METTL15: variants seen among roughly 807,000 people sequenced by gnomAD.
METTL15 encodes methyltransferase 15, mitochondrial 12S rRNA N4-cytidine, also known as 12S rRNA N(4)-cytidine methyltransferase METTL15.
A neutral mutation model predicts 38.3 loss-of-function variants in METTL15; 34 were observed. That is an observed-to-expected ratio of 0.89 (90% confidence interval 0.68 to 1.18). The LOEUF is 1.18. Ranked by LOEUF, METTL15 falls within the 50% of genes most tolerant of loss-of-function variation. The pLI is 0.00. For missense variants in METTL15, 438 were observed against 498.4 expected, an observed-to-expected ratio of 0.88 and a Z score of 1.15; for synonymous variants, 162 against 170.9, an observed-to-expected ratio of 0.95 and a Z score of 0.41.
At chr11:28,310,262 G>A (rs1857227828) in intron 6 of METTL15, among the ~76,000 whole-genome samples, 1 of 152,054 alleles carries the variant, frequency 6.6e-6, no homozygotes, top group South Asian at 2.1e-4. Flanking sequence ...GAAAGTCAGA[G>A]TTAGGAAAAC....
At chr11:28,322,549 A>G (rs1337003014) in intron 6 of METTL15, among the ~76,000 whole-genome samples, 1 of 152,164 alleles carries the variant, frequency 6.6e-6, no homozygotes, top group Non-Finnish European at 1.5e-5. Context: ...GGACTCTCAT[A>G]TACTATTGAT....
At chr11:28,403,520 A>G in intron 5 of METTL15, among the ~76,000 whole-genome samples, 1 of 152,052 alleles carries the variant, frequency 6.6e-6, no homozygotes, top group East Asian at 1.9e-4. Context: ...ATAGGGGTTA[A>G]TAACTTGGGT....
At chr11:28,384,338 T>C (rs1343708791) in intron 5 of METTL15, among the ~76,000 whole-genome samples, 1 of 151,662 alleles carries the variant, frequency 6.6e-6, no homozygotes, top group Admixed American at 6.6e-5. Context: ...AGACAAAGTG[T>C]CACTCTGTCA....
intron 5 of METTL15, among the ~76,000 whole-genome samples, chr11:28,379,622 C>T (rs139790933): frequency 6.6e-6 from 1 of 152,214 alleles, no homozygotes; most frequent in East Asian, 1.9e-4. Flanking sequence ...TGTTTTGAGG[C>T]CTACCATGTG....
intron 3 of METTL15, chr11:28,163,227 T>C (rs1850534188): frequency 7.6e-6 from 3 of 394,914 alleles, no homozygotes; most frequent in Non-Finnish European, 1.3e-5. Context: ...AGTGGAGAAA[T>C]ATTCATGTGG....
At chr11:28,368,221 A>AGAATGGGT (rs1381185650) in intron 5 of METTL15, among the ~76,000 whole-genome samples, 1 of 151,950 alleles carries the variant, frequency 6.6e-6, no homozygotes, top group Non-Finnish European at 1.5e-5. Context: ...GGCAACCTAC[A>AGAATGGGT]GAATGGGAGA....
chr11:28,212,832 C>T (rs1172805447), intron 4 of METTL15, among the ~76,000 whole-genome samples: 1 of 152,112 alleles, frequency 6.6e-6, no homozygotes, highest in East Asian at 1.9e-4. Flanking sequence ...AAACTGAATT[C>T]TCGTAAGATA....
intron 5 of METTL15, among the ~76,000 whole-genome samples, chr11:28,403,626 C>T (rs1850649452): frequency 6.6e-6 from 1 of 151,860 alleles, no homozygotes; most frequent in South Asian, 2.1e-4. Context: ...CATAGGTTTT[C>T]CCAGAAATCT....
chr11:28,119,606 T>C (rs1329697527), intron 3 of METTL15, among the ~76,000 whole-genome samples: 1 of 152,218 alleles, frequency 6.6e-6, no homozygotes, highest in Non-Finnish European at 1.5e-5. Context: ...TATTTCAAAG[T>C]AAGTTTTTAC....
rs926384083 is a variant in METTL15, at chr11:28,333,203, C to T, written c.*2362C>T. The T allele has an allele frequency of 6.6e-6, 1 of 151,740 alleles. No individual in the cohort carries two copies. Among genetic ancestry groups the T allele is most frequent in the Non-Finnish European group, 1.5e-5 (1 of 67,988 alleles). 9.4% of individuals were successfully genotyped at this position (151,740 alleles called of 1,614,324 possible). A position where few individuals can be genotyped will look rare whatever the true frequency, so the allele number is the denominator to read the frequency against. On this transcript the variant is annotated 3_prime_UTR_variant, in exon 7 of 7. Transcript: ENST00000407364. The stretch of plus-strand genomic sequence containing the variant: ...AATTTGTTACAGCAATCCTAGGAAG[C>T]TAATACTCTGACAGAAAAAAATCTT...
intron 5 of METTL15, among the ~76,000 whole-genome samples, chr11:28,376,959 C>G (rs1464534772): frequency 2.3e-5 from 3 of 128,730 alleles, no homozygotes; most frequent in Non-Finnish European, 3.5e-5. Flanking sequence ...GTTGAAAATT[C>G]TTTTCTTTAA....
chr11:28,372,653 T>C (rs538565347), intron 5 of METTL15, among the ~76,000 whole-genome samples: 9 of 151,806 alleles, frequency 5.9e-5, no homozygotes, highest in African/African-American at 2.2e-4. Context: ...AGTTTTAGGG[T>C]ACATGTGCAC....
At chr11:28,361,793 C>A (rs560934549) in intron 4 of METTL15, 7 of 152,132 alleles carry the variant, frequency 4.6e-5, no homozygotes, top group Non-Finnish European at 8.8e-5. Flanking sequence ...TAGACATTTC[C>A]CCTGAACACA....
At chr11:28,430,931 G>A (rs1295372742) in intron 6 of METTL15, among the ~76,000 whole-genome samples, 2 of 106,636 alleles carry the variant, frequency 1.9e-5, no homozygotes, top group African/African-American at 3.4e-5. Flanking sequence ...CCGGCCAGCC[G>A]CCCCGTCCGG....
intron 3 of METTL15, among the ~76,000 whole-genome samples, chr11:28,179,297 T>C (rs1190545274): frequency 2.0e-5 from 3 of 151,786 alleles, no homozygotes; most frequent in Non-Finnish European, 3.0e-5. Flanking sequence ...TTATGCGTTA[T>C]TTTTTCTGTA....
At chr11:28,126,480 C>A (rs1227795693) in intron 3 of METTL15, among the ~76,000 whole-genome samples, 1 of 151,886 alleles carries the variant, frequency 6.6e-6, no homozygotes, top group Admixed American at 6.6e-5. Flanking sequence ...GAAGATACCC[C>A]ATAAATATTT....
chr11:28,168,156 C>T (rs1268167462), intron 3 of METTL15, among the ~76,000 whole-genome samples: 1 of 151,760 alleles, frequency 6.6e-6, no homozygotes, highest in Non-Finnish European at 1.5e-5. Context: ...CCCTCTTTGT[C>T]TTTGCCCATA....
chr11:28,506,475 T>C (rs1851628009), intron 6 of METTL15, among the ~76,000 whole-genome samples: 1 of 152,178 alleles, frequency 6.6e-6, no homozygotes, highest in Non-Finnish European at 1.5e-5. Context: ...AACCATAATG[T>C]AAATGGCACA....
At chr11:28,174,561 T>C (rs903817313) in intron 3 of METTL15, among the ~76,000 whole-genome samples, 9 of 152,126 alleles carry the variant, frequency 5.9e-5, no homozygotes, top group African/African-American at 9.7e-5. Context: ...ACGTCTGTAA[T>C]CTCAGCACTT....
Sources: allele counts gnomAD v4.1 joint callset (sites outside exome capture counted in the v4.1 genomes callset), GRCh38; gene constraint gnomAD v4.1.1; transcripts MANE v1.5; gene names NCBI Gene and HGNC (gene_info 2026-07-23, HGNC 2026-07-21).